CUX1: variants seen among roughly 807,000 people sequenced by gnomAD.
CUX1 encodes the protein cut like homeobox 1.
CUX1 carries 31 observed loss-of-function variants against 158.8 expected under a neutral mutation model. The ratio of observed to expected loss-of-function variants is 0.20; its 90% CI spans 0.15 to 0.26. CUX1 has a LOEUF of 0.26. Among genes scored for constraint, CUX1 ranks in the 10% least tolerant of loss-of-function variants. CUX1 has a pLI of 1.00. For missense variants in CUX1, 1,589 were observed against 2,014.6 expected, an observed-to-expected ratio of 0.79 and a Z score of 4.04; for synonymous variants, 879 against 862.1, an observed-to-expected ratio of 1.02 and a Z score of -0.34.
chr7:102,116,500 C>T (rs1172724978), intron 8 of CUX1, among the ~76,000 whole-genome samples: 1 of 152,060 alleles, frequency 6.6e-6, no homozygotes, highest in Non-Finnish European at 1.5e-5. Flanking sequence ...CTATATTTCA[C>T]CGAGCATGGC....
chr7:102,149,643 G>T (rs1554503044), intron 8 of CUX1, among the ~76,000 whole-genome samples: 2 of 152,208 alleles, frequency 1.3e-5, no homozygotes, highest in African/African-American at 4.8e-5. Flanking sequence ...GCCACAGCAG[G>T]TGCCTTTGCT....
chr7:101,895,238 C>G (rs182844564), intron 1 of CUX1, among the ~76,000 whole-genome samples: 25 of 152,248 alleles, frequency 1.6e-4, no homozygotes, highest in Non-Finnish European at 3.1e-4. Flanking sequence ...CCAGGCTGGT[C>G]TTGAACTCCT....
intron 8 of CUX1, among the ~76,000 whole-genome samples, chr7:102,123,187 C>T (rs1414820871): frequency 5.3e-5 from 8 of 150,428 alleles, no homozygotes; most frequent in East Asian, 2.0e-4. Context: ...GCTGAGATCG[C>T]GCCACTACAC....
At chr7:101,860,576 C>A (rs957953388) in intron 1 of CUX1, among the ~76,000 whole-genome samples, 9 of 152,168 alleles carry the variant, frequency 5.9e-5, no homozygotes, top group African/African-American at 2.2e-4. Context: ...TGTCCCAGGG[C>A]CTGGGGCTAG....
intron 2 of CUX1, among the ~76,000 whole-genome samples, chr7:101,973,105 C>T (rs1812179119): frequency 6.6e-6 from 1 of 152,188 alleles, no homozygotes; most frequent in Admixed American, 6.5e-5. Flanking sequence ...GAATCAAGTC[C>T]ATCCACGGTA....
intron 18 of CUX1, among the ~76,000 whole-genome samples, chr7:102,278,649 TAAAATAAAAAAATAA>T (rs1243818470): frequency 3.0e-5 from 3 of 98,470 alleles, no homozygotes; most frequent in Non-Finnish European, 6.3e-5. Context: ...TAAAATAAAA[TAAAATAAAAAAATAA>T]AATAAAATAT....
chr7:102,242,993 G>A (rs1193866123), intron 23 of CUX1, among the ~76,000 whole-genome samples: 2 of 152,096 alleles, frequency 1.3e-5, no homozygotes, highest in African/African-American at 2.4e-5. Context: ...ACAGGTCTGG[G>A]CTGGGTGTGG....
In CUX1 at chr7:102,149,605, C is replaced by T. The variant is rs567367681; in HGVS notation, c.675-8955C>T. 1.7e-4 allele frequency among the ~76,000 whole-genome samples: 26 copies of T among 152,324 alleles called. No individual in the cohort carries two copies. In the South Asian group the frequency reaches 4.8e-3, roughly 28 times the overall value. ...GGAGACCTCCCTGTCTCAGTCTGAG[C>T]TGGGCCCATCGCCATCAGGGCACGA... On this transcript the variant is annotated intron_variant, in intron 8 of 23. Transcript: ENST00000292535.
intron 2 of CUX1, among the ~76,000 whole-genome samples, chr7:102,023,849 C>T (rs888098736): frequency 1.3e-5 from 2 of 151,940 alleles, no homozygotes; most frequent in African/African-American, 4.8e-5. Flanking sequence ...TGTGTGCGTG[C>T]GTGAGTGTGT....
At chr7:102,070,995 G>A (rs538781768) in intron 4 of CUX1, among the ~76,000 whole-genome samples, 11 of 151,242 alleles carry the variant, frequency 7.3e-5, no homozygotes, top group Non-Finnish European at 1.0e-4. Flanking sequence ...TCGCTCTGTC[G>A]CCCAGGCTGG....
At chr7:102,040,031 CTTCA>C (rs1821894603) in intron 3 of CUX1, among the ~76,000 whole-genome samples, 1 of 152,194 alleles carries the variant, frequency 6.6e-6, no homozygotes, top group Non-Finnish European at 1.5e-5. Context: ...ACTCTCTGGT[CTTCA>C]TTCAACGCAA....
chr7:102,033,200 G>A lies in CUX1; in HGVS notation c.189+5055G>A, dbSNP rs554858936. Among the ~76,000 whole-genome samples the A allele has an allele frequency of 2.1e-4, 32 of 152,294 alleles. No individual in the cohort carries two copies. The Middle Eastern group carries it at 0.01, about 49-fold the overall frequency. On this transcript the variant is annotated intron_variant, in intron 3 of 23. Transcript: ENST00000292535. ...ATGATGGCTCACGCCTGTAGTCCCA[G>A]CACTTTGGGAGGCCAAGCCAGGAGG...
At chr7:102,271,975 T>C (rs1554546380) in intron 14 of CUX1, among the ~76,000 whole-genome samples, 1 of 152,178 alleles carries the variant, frequency 6.6e-6, no homozygotes, top group African/African-American at 2.4e-5. Flanking sequence ...TGAGCCGAGA[T>C]GGAGCCACTG....
chr7:102,150,913 T>G (rs79195261), intron 8 of CUX1, among the ~76,000 whole-genome samples: 1 of 152,206 alleles, frequency 6.6e-6, no homozygotes, highest in East Asian at 1.9e-4. Context: ...CATAAAAACG[T>G]GAGAGATCTA....
At position 101,916,482 on chromosome 7, in the gene CUX1, C is replaced by T; in HGVS notation, c.141+257C>T. ...ATTCCAGGTGCAGATACTGGACAAG[C>T]TTGGTCTGTAAGAACACGTGGGCAG... On this transcript the variant is annotated intron_variant, in intron 2 of 23. Transcript: ENST00000292535. This position sits in a 1 kb window ranked among gnomAD's most constrained non-coding sequence, Gnocchi z 4.4. The T allele has an allele frequency of 5.3e-6, 2 of 380,450 alleles. No homozygotes were observed. The highest frequency in any genetic ancestry group is 1.0e-5 in the Non-Finnish European group (2 of 196,308). 23.6% of individuals were successfully genotyped at this position (380,450 alleles called of 1,614,324 possible). A position where few individuals can be genotyped will look rare whatever the true frequency, so the allele number is the denominator to read the frequency against.
intron 10 of CUX1, among the ~76,000 whole-genome samples, chr7:102,176,762 G>A (rs566498301): frequency 6.6e-5 from 10 of 151,488 alleles, no homozygotes; most frequent in Admixed American, 1.3e-4. Flanking sequence ...TTGTAGAGAT[G>A]GGTTTTCGCC....
At position 102,280,116 on chromosome 7, in the gene CUX1, A is replaced by G. The variant is rs782486397; in HGVS notation, c.1760A>G (p.Lys587Arg). 3.1e-6 allele frequency: 5 copies of G among 1,607,406 alleles called. No individual in the cohort carries two copies. In the Admixed American group the frequency reaches 6.7e-5, roughly 21 times the overall value. ...CTGGACCCCTTCTCCTCCTTCAGCA[A>G]GCGGGTTCGTGAGCCCAGCCTGGGC... Residue 587 changes from lysine to arginine, a missense_variant, in exon 19 of 23, where the codon AAG becomes AGG. Physicochemically the swap from Lys to Arg is conservative, Grantham distance 26. Transcript: ENST00000292538.
intron 3 of CUX1, among the ~76,000 whole-genome samples, chr7:102,039,992 G>A (rs1315026959): frequency 6.6e-6 from 1 of 152,158 alleles, no homozygotes; most frequent in African/African-American, 2.4e-5. Context: ...AGAGCTGCAT[G>A]CAGGACGTGC....
intron 2 of CUX1, among the ~76,000 whole-genome samples, chr7:102,006,187 G>A (rs1056936795): frequency 6.6e-6 from 1 of 152,070 alleles, no homozygotes; most frequent in African/African-American, 2.4e-5. Context: ...AAAGACCCGC[G>A]GGGTCCACTG....
Sources: gnomAD v4.1 joint callset for allele counts (sites outside exome capture counted in the v4.1 genomes callset) on GRCh38, gnomAD v4.1.1 for gene constraint, Gnocchi (gnomAD v3.1) non-coding constraint, MANE v1.5 for transcripts, NCBI Gene and HGNC (gene_info 2026-07-23, HGNC 2026-07-21) for gene names.